The following PPP6R1 variants were observed in gnomAD, a reference collection of about 807,000 sequenced individuals.
PPP6R1 encodes the protein protein phosphatase 6 regulatory subunit 1, also known as serine/threonine-protein phosphatase 6 regulatory subunit 1.
In PPP6R1, 39 loss-of-function variants were observed where a neutral mutation model predicts 104.6. The observed-to-expected ratio is 0.37, with a 90% CI of 0.29 to 0.49. PPP6R1 has a LOEUF of 0.49. Among genes scored for constraint, PPP6R1 ranks in the 20% least tolerant of loss-of-function variants. The probability of loss-of-function intolerance (pLI) is 0.98; values close to 1 mark genes in which losing one functional copy is unlikely to be tolerated. For missense variants in PPP6R1, 1,181 were observed against 1,155.8 expected (o/e 1.02, Z -0.32); for synonymous variants, 549 against 479.0 (o/e 1.15, Z -1.91).
intron 1 of PPP6R1, among the ~76,000 whole-genome samples, chr19:55,252,469 G>A (rs2087561525): frequency 6.6e-6 from 1 of 151,558 alleles, no homozygotes; most frequent in Non-Finnish European, 1.5e-5. Flanking sequence ...CGCGATCTCG[G>A]CTCACTGCAA....
downstream of PPP6R1, chr19:55,228,764 G>T (rs767045223): frequency 1.9e-6 from 3 of 1,611,488 alleles, no homozygotes; most frequent in South Asian, 3.3e-5. Flanking sequence ...GCCCCAGAGC[G>T]ACCTAATCTG....
chr19:55,238,992 A>T, intron 15 of PPP6R1: 1 of 189,188 alleles, frequency 5.3e-6, no homozygotes, highest in Non-Finnish European at 1.1e-5. Flanking sequence ...CATGTCTGGC[A>T]GACTCCTGAG....
chr19:55,239,721 C>T (rs763103519), intron 13 of PPP6R1, 38 bp from the exon 14 acceptor site: 108 of 1,592,040 alleles, frequency 6.8e-5, no homozygotes, highest in Non-Finnish European at 8.6e-5. Flanking sequence ...TGCTGGAGCC[C>T]CCAGACCAGG....
chr19:55,229,075 C>A (rs959108344), downstream of PPP6R1: 1 of 269,594 alleles, frequency 3.7e-6, no homozygotes, highest in Non-Finnish European at 7.4e-6. Flanking sequence ...CCAACAGCCA[C>A]CCCATCATGG....
At position 55,241,323 on chromosome 19, in the gene PPP6R1, G is replaced by C; in HGVS notation, c.1077C>G (p.Val359=). The change falls in exon 9 of 24, where the codon GTC becomes GTG. Residue 359 remains valine (V), a synonymous_variant. Transcript: ENST00000412770. This position sits in a 1 kb window ranked among gnomAD's most constrained non-coding sequence, Gnocchi z 5.4. ...PPLGNTRLHV[V]KLLASALSAN... is the part of the protein sequence containing the mutation. The stretch of plus-strand genomic sequence containing the variant: ...CGCTCAGGGCACTGGCCAGGAGCTT[G>C]ACCACGTGCAGCCGCGTGTTGCCCA... 1 of 1,611,802 alleles carries C rather than the reference G, an allele frequency of 6.2e-7. No individual in the cohort carries two copies.
At chr19:55,230,744 A>AC (rs745636820) in intron 22 of PPP6R1, 30 bp downstream of exon 22, 190 of 587,804 alleles carry the variant, frequency 3.2e-4, no homozygotes, top group East Asian at 3.2e-3. Context: ...CCCCACCCCC[A>AC]CCCCCCCGCC....
At position 55,232,123 on chromosome 19, in the gene PPP6R1, C is replaced by T; in HGVS notation, c.2077G>A (p.Gly693Arg). 2.5e-6 allele frequency: 4 copies of T among 1,598,690 alleles called. No homozygotes were observed. The highest frequency in any genetic ancestry group is 3.4e-6 in the Non-Finnish European group (4 of 1,172,678). Residue 693 changes from glycine (G) to arginine (R), a missense_variant, in exon 18 of 24, where the codon GGA becomes AGA. Around this residue, in one of 2 missense-constraint regions of PPP6R1, gnomAD observed 1,042 missense variants for 955.6 expected, o/e 1.09. Transcript: ENST00000412770. ...GGGTAGGACAGAGGGGTGGCCCCTC[C>T]ACGGGCTGCACAGCCAATGCCCTCC... ...DEEGIGCAAR[G>R]GATPLSYPSP...
In PPP6R1 at chr19:55,239,643, T is replaced by C. The variant is rs2087432035; in HGVS notation, c.1604A>G (p.Asp535Gly). The part of the protein sequence containing the change: ...HHLHSSSDDE[D>G]DRLKEFNFPE... ...GAAGTTGAACTCCTTGAGCCGGTCG[T>C]CCTCATCGTCACTGGAGGAGTGTAG... The change falls in exon 14 of 24, where the codon GAC (aspartate) becomes GGC (glycine). Residue 535 changes from aspartate to glycine, a missense_variant. Physicochemically the swap from Asp to Gly is moderately conservative, Grantham distance 94. This residue lies in a region of PPP6R1 where 1,042 missense variants were observed against 955.6 expected (regional missense o/e 1.09). Coordinates refer to ENST00000412770, the MANE Select transcript of PPP6R1 (RefSeq NM_014931.4). 1 of 1,612,262 alleles carries C rather than the reference T, an allele frequency of 6.2e-7. No individual in the cohort carries two copies. The highest frequency in any genetic ancestry group is 1.7e-5 in the Admixed American group (1 of 59,778).
At chr19:55,239,530 A>T in intron 14 of PPP6R1, 28 bp from the exon 15 acceptor site, 1 of 1,612,350 alleles carries the variant, frequency 6.2e-7, no homozygotes, top group South Asian at 1.1e-5. Context: ...TTAGGGCTGG[A>T]GGGAGTTGGG....
chr19:55,248,111 C>CA (rs1434933769), intron 1 of PPP6R1, among the ~76,000 whole-genome samples: 7 of 152,232 alleles, frequency 4.6e-5, no homozygotes, highest in African/African-American at 7.2e-5. Flanking sequence ...CCCTGTACTA[C>CA]ATCACTGCTC....
chr19:55,258,611 G>A lies in PPP6R1; in HGVS notation c.-183C>T, dbSNP rs1168082685. On this transcript the variant is annotated 5_prime_UTR_variant, in exon 1 of 24. Transcript: ENST00000412770. ...GTCCGCGCAGGCGCCCGCGGGTCGT[G>A]GGGTCCTCGCGCGCCGGGTCCTGCA... The A allele has an allele frequency of 1.4e-5, 2 of 148,016 alleles. No homozygotes were observed. The highest frequency in any genetic ancestry group is 3.9e-4 in the East Asian group (2 of 5,106). 9.2% of individuals were successfully genotyped at this position (148,016 alleles called of 1,614,324 possible).
chr19:55,229,341 C>G (rs76284829), downstream of PPP6R1: 4,156 of 155,396 alleles, frequency 0.027, 196 homozygotes, highest in African/African-American at 0.094. Flanking sequence ...TCCAAGCCAA[C>G]TGCCACCCCA....
chr19:55,230,402 G>A lies in PPP6R1; in HGVS notation c.*126C>T, dbSNP rs1648582582. 1 of 1,413,284 alleles carries A rather than the reference G, an allele frequency of 7.1e-7. No individual in the cohort carries two copies. The highest frequency in any genetic ancestry group is 9.7e-7 in the Non-Finnish European group (1 of 1,027,986). 87.5% of individuals were successfully genotyped at this position (1,413,284 alleles called of 1,614,324 possible). The stretch of plus-strand genomic sequence containing the variant: ...CTGGCACCAGCCTCCTGGGGGTCCA[G>A]AGGAGAGAATGTGGGGGTGTCAGGG... On this transcript the variant is annotated 3_prime_UTR_variant, in exon 24 of 24. Transcript: ENST00000412770.
intron 1 of PPP6R1, among the ~76,000 whole-genome samples, chr19:55,251,335 A>G (rs776110278): frequency 3.3e-5 from 5 of 152,178 alleles, no homozygotes; most frequent in Non-Finnish European, 5.9e-5. Flanking sequence ...ATAAACGCTC[A>G]CAAGTATTAG....
intron 1 of PPP6R1, among the ~76,000 whole-genome samples, chr19:55,251,095 T>C (rs1278373012): frequency 2.0e-5 from 3 of 152,152 alleles, no homozygotes; most frequent in Non-Finnish European, 4.4e-5. Context: ...AGAAGGGCCT[T>C]CCCTGGCCTG....
intron 5 of PPP6R1, among the ~76,000 whole-genome samples, chr19:55,243,974 CAAG>C (rs2087483456): frequency 6.6e-6 from 1 of 152,176 alleles, no homozygotes; most frequent in Admixed American, 6.5e-5. Context: ...CTAAATTCAA[CAAG>C]ATGATAAACG....
At chr19:55,243,658 A>G (rs1473107112) in intron 5 of PPP6R1, among the ~76,000 whole-genome samples, 1 of 151,840 alleles carries the variant, frequency 6.6e-6, no homozygotes, top group African/African-American at 2.4e-5. Flanking sequence ...AGAGCAAGAC[A>G]CTGTCTCAAA....
At chr19:55,258,207 G>T (rs930016377) in intron 1 of PPP6R1, among the ~76,000 whole-genome samples, 2 of 152,234 alleles carry the variant, frequency 1.3e-5, no homozygotes, top group Non-Finnish European at 2.9e-5. Flanking sequence ...AAGAGACTGA[G>T]ACTAGGGTGG....
chr19:55,242,139 G>T (rs778430613), intron 7 of PPP6R1, 27 bp downstream of exon 7: 1 of 1,595,098 alleles, frequency 6.3e-7, no homozygotes. Context: ...TGGGCAGCAT[G>T]CATGGTCTGT....
Sources: allele counts gnomAD v4.1 joint callset (sites outside exome capture counted in the v4.1 genomes callset), GRCh38; gene constraint gnomAD v4.1.1; regional missense constraint gnomAD v4.1.1; non-coding constraint Gnocchi (gnomAD v3.1); transcripts MANE v1.5; gene names NCBI Gene and HGNC (gene_info 2026-07-23, HGNC 2026-07-21).